The following TEX35 variants were observed in gnomAD, a reference collection of about 807,000 sequenced individuals.
TEX35 encodes testis-expressed protein 35.
TEX35 carries 26 observed loss-of-function variants against 31.9 expected under a neutral mutation model. The ratio of observed to expected loss-of-function variants is 0.81; its 90% confidence interval spans 0.60 to 1.13. The LOEUF (loss-of-function observed/expected upper bound fraction) is 1.13. TEX35 is among the 50% of genes most tolerant of loss of function. The pLI is 0.00. For synonymous variants in TEX35, 87 were observed against 90.7 expected (o/e 0.96, Z 0.23); for missense variants, 278 against 273.5 (o/e 1.02, Z -0.12).
intron 1 of TEX35, 168 bp downstream of exon 1, chr1:178,513,395 C>A: frequency 1.1e-6 from 1 of 929,324 alleles, no homozygotes; most frequent in Non-Finnish European, 1.7e-6. Context: ...TGGGATTAAT[C>A]CCTAGCCTTG....
chr1:178,514,628 T>G, intron 2 of TEX35, 72 bp from the exon 3 acceptor site: 3 of 1,444,088 alleles, frequency 2.1e-6, no homozygotes, highest in East Asian at 2.3e-5. Flanking sequence ...CACAGGGGGA[T>G]CTCTTCTGCC....
intron 8 of TEX35, 71 bp downstream of exon 8, chr1:178,521,335 C>T (rs1456989347): frequency 3.9e-6 from 6 of 1,551,408 alleles, no homozygotes; most frequent in East Asian, 2.2e-5. Flanking sequence ...CATGTGCTCC[C>T]AGCCGCATTC....
At chr1:178,523,335 G>T, downstream of TEX35, 1 of 693,024 alleles carries the variant, frequency 1.4e-6, no homozygotes. Context: ...CTGGATCTAT[G>T]GTAGCTCAAT....
intron 1 of TEX35, among the ~76,000 whole-genome samples, chr1:178,513,742 T>A (rs1356891216): frequency 6.6e-6 from 1 of 152,260 alleles, no homozygotes; most frequent in East Asian, 1.9e-4. Flanking sequence ...TTGCTTCTAG[T>A]TATCTTAAAG....
chr1:178,521,114 C>T, intron 7 of TEX35, 108 bp from the exon 8 acceptor site: 4 of 1,599,628 alleles, frequency 2.5e-6, no homozygotes, highest in Non-Finnish European at 3.4e-6. Context: ...CAGCTCCACC[C>T]TCTTATTCTG....
intron 5 of TEX35, 60 bp downstream of exon 5, chr1:178,516,734 C>A: frequency 8.3e-7 from 1 of 1,210,920 alleles, no homozygotes. Flanking sequence ...GTGGAAGAGA[C>A]ACCAGCAGAC....
chr1:178,522,136 G>C, intron 8 of TEX35, 189 bp from the exon 9 acceptor site: 1 of 799,954 alleles, frequency 1.3e-6, no homozygotes, highest in Non-Finnish European at 1.9e-6. Context: ...CATGGGGCCA[G>C]GGTGTCTTGG....
intron 3 of TEX35, among the ~76,000 whole-genome samples, chr1:178,515,154 C>T (rs1384280265): frequency 6.6e-6 from 1 of 152,224 alleles, no homozygotes; most frequent in Non-Finnish European, 1.5e-5. Flanking sequence ...GTCGCCCAGG[C>T]TGGAGTGCAG....
chr1:178,520,294 G>A, intron 5 of TEX35, 78 bp from the exon 6 acceptor site: 1 of 1,423,034 alleles, frequency 7.0e-7, no homozygotes, highest in Non-Finnish European at 9.8e-7. Flanking sequence ...GATGCAGAAT[G>A]GTTTGCAGAG....
rs35066085 is a variant in TEX35, at chr1:178,514,057, T to C, written c.70T>C (p.Leu24=). Residue 24 remains leucine (L), a synonymous_variant, in exon 2 of 9, where the codon TTG becomes CTG. Coordinates refer to ENST00000319416, the MANE Select transcript of TEX35 (RefSeq NM_032126.5). ...GAACTACAAGGCAGTTTGCCTGGAATTGAAGCCAGAGCCGACCAAAGTAAG... is the reference window on the plus strand; with the variant it reads ...GAACTACAAGGCAGTTTGCCTGGAACTGAAGCCAGAGCCGACCAAAGTAAG... ...SKNYKAVCLE[L]KPEPTKTFDY... 2.5e-4 allele frequency: 406 copies of C among 1,614,206 alleles called. No individual in the cohort carries two copies. In the African/African-American group the frequency reaches 4.8e-3, roughly 19 times the overall value.
intron 4 of TEX35, among the ~76,000 whole-genome samples, chr1:178,516,392 C>T (rs562925180): frequency 2.0e-5 from 3 of 152,370 alleles, no homozygotes; most frequent in South Asian, 2.1e-4. Context: ...TTGCAGTAGC[C>T]AGATCTAAGC....
chr1:178,521,432 C>A, intron 8 of TEX35, 168 bp downstream of exon 8: 2 of 1,032,150 alleles, frequency 1.9e-6, no homozygotes, highest in Admixed American at 1.9e-5. Context: ...CAGGATGTGG[C>A]ACCAGGAAGG....
rs80264642 is a variant in TEX35, at chr1:178,517,565, A to T, written c.276+891A>T. On this transcript the variant is annotated intron_variant, in intron 5 of 8. Transcript: ENST00000319416. Reference sequence around the variant, plus strand: ...CTCCCCATCCAGGCTACACCTCATAACGATTAAGTCAGAAGCTCTTAGAAT... The same window carrying T: ...CTCCCCATCCAGGCTACACCTCATATCGATTAAGTCAGAAGCTCTTAGAAT... Among the ~76,000 whole-genome samples, 142 of 152,308 alleles carry T rather than the reference A, an allele frequency of 9.3e-4. 2 individuals carry two copies. In the East Asian group the frequency reaches 0.014, roughly 15 times the overall value.
At chr1:178,521,486 C>A in intron 8 of TEX35, 1 of 1,054,838 alleles carries the variant, frequency 9.5e-7, no homozygotes, top group Non-Finnish European at 1.4e-6. Context: ...CTGGGGCTCC[C>A]ATGGTGGGGA....
At chr1:178,521,906 C>T in intron 8 of TEX35, 1 of 1,318,912 alleles carries the variant, frequency 7.6e-7, no homozygotes, top group East Asian at 2.5e-5. Flanking sequence ...GACTCCAACC[C>T]TTCCCCCTGC....
downstream of TEX35, chr1:178,523,346 T>A (rs1650347641): frequency 1.5e-6 from 1 of 687,678 alleles, no homozygotes; most frequent in Non-Finnish European, 2.6e-6. Flanking sequence ...GTAGCTCAAT[T>A]TTTAGTTTTT....
chr1:178,521,514 C>T lies in TEX35; in HGVS notation c.586+250C>T, dbSNP rs117268938. ...GGTGGGGAGGGTGCACCACTAGTGGCGGAACTGACCTTGCCTCAGGTCCTG... is the reference window on the plus strand; with the variant it reads ...GGTGGGGAGGGTGCACCACTAGTGGTGGAACTGACCTTGCCTCAGGTCCTG... On this transcript the variant is annotated intron_variant, in intron 8 of 8. Coordinates refer to ENST00000319416, the MANE Select transcript of TEX35 (RefSeq NM_032126.5). 5,640 of 1,188,910 alleles carry T rather than the reference C, an allele frequency of 4.7e-3. 206 individuals carry two copies. The East Asian group carries it at 0.089, about 19-fold the overall frequency. The allele number at this position is 1,188,910 out of a possible 1,614,324, so 73.6% of individuals were successfully genotyped here.
At position 178,521,532 on chromosome 1, in the gene TEX35, A is replaced by G. The variant is rs535447877; in HGVS notation, c.586+268A>G. 2.0e-3 allele frequency: 2,580 copies of G among 1,309,418 alleles called. 6 individuals carry two copies. The highest frequency in any genetic ancestry group is 2.8e-3 in the South Asian group (222 of 78,510). 81.1% of individuals were successfully genotyped at this position (1,309,418 alleles called of 1,614,324 possible). A position where few individuals can be genotyped will look rare whatever the true frequency, so the allele number is the denominator to read the frequency against. The stretch of plus-strand genomic sequence containing the variant: ...CTAGTGGCGGAACTGACCTTGCCTC[A>G]GGTCCTGCCCTTTCTCCCCATCCAG... On this transcript the variant is annotated intron_variant, in intron 8 of 8. Transcript: ENST00000319416.
chr1:178,523,242 T>C, downstream of TEX35: 1 of 697,216 alleles, frequency 1.4e-6, no homozygotes, highest in Admixed American at 2.0e-5. Flanking sequence ...TTGTGAACAG[T>C]GATGCAACAA....
Sources: gnomAD v4.1 joint callset for allele counts (sites outside exome capture counted in the v4.1 genomes callset) on GRCh38, gnomAD v4.1.1 for gene constraint, MANE v1.5 for transcripts, NCBI Gene and HGNC (gene_info 2026-07-23, HGNC 2026-07-21) for gene names.